POC1A: variants seen among roughly 807,000 people sequenced by gnomAD.
POC1A encodes POC1 centriolar protein A.
Under a neutral mutation model 47.8 loss-of-function variants are expected in POC1A, and 34 were observed. That is an observed-to-expected ratio of 0.71 (90% CI 0.54 to 0.95). The LOEUF is 0.95. Ranked by LOEUF, POC1A falls within the 40% of genes least tolerant of loss-of-function variation. The pLI is 0.00. For synonymous variants in POC1A, 177 were observed against 207.6 expected (o/e 0.85, Z 1.27); for missense variants, 466 against 528.3 (o/e 0.88, Z 1.16).
intron 9 of POC1A, among the ~76,000 whole-genome samples, chr3:52,120,546 A>G (rs936872137): frequency 2.6e-5 from 4 of 152,238 alleles, no homozygotes; most frequent in Non-Finnish European, 5.9e-5. Context: ...GTATTCAGGT[A>G]CTATGTGGAA....
intron 9 of POC1A, among the ~76,000 whole-genome samples, chr3:52,100,374 G>A (rs959633981): frequency 3.3e-5 from 5 of 152,236 alleles, no homozygotes; most frequent in Non-Finnish European, 5.9e-5. Flanking sequence ...TGGATAAGGA[G>A]CTGCTGCCTA....
At chr3:52,104,830 G>C (rs998265294) in intron 9 of POC1A, among the ~76,000 whole-genome samples, 3 of 152,206 alleles carry the variant, frequency 2.0e-5, no homozygotes, top group African/African-American at 7.2e-5. Context: ...GCAGTCCATG[G>C]AGTGTCAGGC....
intron 10 of POC1A, among the ~76,000 whole-genome samples, chr3:52,093,172 C>T (rs1298387042): frequency 1.3e-5 from 2 of 152,216 alleles, no homozygotes; most frequent in Admixed American, 6.5e-5. Context: ...GGCCTTGACC[C>T]GGTGTCTGGA....
chr3:52,133,465 C>G (rs531225827), intron 7 of POC1A, among the ~76,000 whole-genome samples: 50 of 152,172 alleles, frequency 3.3e-4, no homozygotes, highest in Admixed American at 7.8e-4. Context: ...CTCAAATGGG[C>G]CGATGTGTGC....
At chr3:52,123,837 T>G (rs186324383) in intron 8 of POC1A, among the ~76,000 whole-genome samples, 4 of 152,316 alleles carry the variant, frequency 2.6e-5, no homozygotes, top group Admixed American at 2.6e-4. Context: ...GTCATTTGAT[T>G]CTACCATGAC....
rs548536774 is a variant in POC1A at position 52,146,864 on chromosome 3, G to T, written c.563+124C>A. The T allele has an allele frequency of 2.6e-4, 198 of 766,098 alleles. 1 individual carries two copies. In the South Asian group the frequency reaches 2.9e-3, roughly 11 times the overall value. The allele number at this position is 766,098 out of a possible 1,614,324, so 47.5% of individuals were successfully genotyped here. On this transcript the variant is annotated intron_variant, in intron 5 of 10. Coordinates refer to ENST00000296484, the MANE Select transcript of POC1A (RefSeq NM_015426.5). ...CCTCGCAAAAAGCACCAGACAAGGGGCAGCAGTGATAAGGCTGCTGGTCCC... is the reference window on the plus strand; with the variant it reads ...CCTCGCAAAAAGCACCAGACAAGGGTCAGCAGTGATAAGGCTGCTGGTCCC...
At chr3:52,141,528 C>T (rs1270291500) in intron 6 of POC1A, among the ~76,000 whole-genome samples, 1 of 152,226 alleles carries the variant, frequency 6.6e-6, no homozygotes, top group Non-Finnish European at 1.5e-5. Context: ...CAGCAAAGGA[C>T]ACCCAAAACA....
chr3:52,077,009 A>G (rs1018896366), intron 10 of POC1A, among the ~76,000 whole-genome samples: 1 of 152,236 alleles, frequency 6.6e-6, no homozygotes, highest in Non-Finnish European at 1.5e-5. Context: ...ATGCTCCCCA[A>G]AGAGGGGCTG....
At chr3:52,112,446 C>A (rs1352582879) in intron 9 of POC1A, among the ~76,000 whole-genome samples, 2 of 152,174 alleles carry the variant, frequency 1.3e-5, no homozygotes, top group African/African-American at 2.4e-5. Context: ...TCAAGACCAG[C>A]TGGCCAACAT....
At chr3:52,100,593 C>T (rs1460406357) in intron 9 of POC1A, among the ~76,000 whole-genome samples, 3 of 152,116 alleles carry the variant, frequency 2.0e-5, no homozygotes, top group Admixed American at 2.0e-4. Flanking sequence ...GGAGAAGAGA[C>T]GCCAAATACC....
At chr3:52,137,132 AGTCCTGCACACTGGATAT>A (rs1559845105) in intron 7 of POC1A, among the ~76,000 whole-genome samples, 1 of 152,124 alleles carries the variant, frequency 6.6e-6, no homozygotes, top group Non-Finnish European at 1.5e-5. Context: ...CAGGCCCACT[AGTCCTGCACACTGGATAT>A]GTCTCTGACA....
chr3:52,078,786 C>T (rs948040587), intron 10 of POC1A, among the ~76,000 whole-genome samples: 1 of 152,144 alleles, frequency 6.6e-6, no homozygotes, highest in African/African-American at 2.4e-5. Context: ...GGCGTGAGCC[C>T]CTGCGCCCGG....
At chr3:52,127,043 C>T (rs1371429038) in intron 7 of POC1A, among the ~76,000 whole-genome samples, 4 of 152,312 alleles carry the variant, frequency 2.6e-5, no homozygotes, top group Middle Eastern at 6.8e-3. Context: ...CCTACACTTG[C>T]CCTCCTGCCT....
At chr3:52,145,800 T>G (rs1300068702) in intron 6 of POC1A, 46 bp downstream of exon 6, 1 of 1,242,404 alleles carries the variant, frequency 8.0e-7, no homozygotes, top group Non-Finnish European at 1.2e-6. Flanking sequence ...ACCATCACAG[T>G]CCCACCAGGG....
Position 52,151,197 on chromosome 3 carries a change from A to G in POC1A, c.19-97T>C. ...CTACAACAGCCGGGGGAGTAGGGTT[A>G]AAAATGCTCAAGGCATGATCTTATA... On this transcript the variant is annotated intron_variant, in intron 1 of 10. Coordinates refer to ENST00000296484, the MANE Select transcript of POC1A (RefSeq NM_015426.5). 2.6e-6 allele frequency: 4 copies of G among 1,561,034 alleles called. No homozygotes were observed. In the South Asian group the frequency reaches 4.6e-5, roughly 18 times the overall value.
chr3:52,141,846 A>AT (rs1698204225), intron 6 of POC1A, among the ~76,000 whole-genome samples: 1 of 152,054 alleles, frequency 6.6e-6, no homozygotes. Context: ...GAAAAAAAAA[A>AT]AGACAAAACC....
chr3:52,114,369 G>T (rs1315191896), intron 9 of POC1A, among the ~76,000 whole-genome samples: 1 of 152,228 alleles, frequency 6.6e-6, no homozygotes. Context: ...TCTGCAGGGG[G>T]ATTACATGAA....
chr3:52,138,573 C>T (rs1395520698), intron 6 of POC1A, among the ~76,000 whole-genome samples: 7 of 152,184 alleles, frequency 4.6e-5, no homozygotes, highest in East Asian at 1.9e-4. Flanking sequence ...AGGCAGCAGA[C>T]GATTCCTCCA....
chr3:52,091,543 C>A (rs1482713154), intron 10 of POC1A, among the ~76,000 whole-genome samples: 9 of 152,256 alleles, frequency 5.9e-5, no homozygotes, highest in Non-Finnish European at 4.4e-5. Flanking sequence ...CTATGTGCAC[C>A]CCAGTGCCTC....
Sources: allele counts gnomAD v4.1 joint callset (sites outside exome capture counted in the v4.1 genomes callset), GRCh38; gene constraint gnomAD v4.1.1; transcripts MANE v1.5; gene names NCBI Gene and HGNC (gene_info 2026-07-23, HGNC 2026-07-21).